TG: variants seen among roughly 807,000 people sequenced by gnomAD.
The protein encoded by TG is thyroid hormones.
A neutral mutation model predicts 324.7 loss-of-function variants in TG; 270 were observed. The observed-to-expected ratio is 0.83, with a 90% CI of 0.75 to 0.92. The LOEUF is 0.92. Among genes scored for constraint, TG ranks in the 40% least tolerant of loss-of-function variants. The pLI is 0.00. For synonymous variants in TG, 1,401 were observed against 1,327.0 expected, an observed-to-expected ratio of 1.06 and a Z score of -1.21; for missense variants, 3,591 against 3,456.4, an observed-to-expected ratio of 1.04 and a Z score of -0.98.
At chr8:133,122,993 G>A (rs563038335) in intron 45 of TG, among the ~76,000 whole-genome samples, 6 of 152,114 alleles carry the variant, frequency 3.9e-5, no homozygotes, top group East Asian at 1.9e-4. Context: ...ACCCTTTGTT[G>A]TGGGAGGCTG....
intron 41 of TG, among the ~76,000 whole-genome samples, chr8:133,043,203 C>G (rs146565712): frequency 6.6e-6 from 1 of 152,022 alleles, no homozygotes; most frequent in Admixed American, 6.6e-5. Flanking sequence ...TGAGATATTC[C>G]CCATGGTCAA....
intron 35 of TG, chr8:133,003,047 C>G: frequency 9.4e-7 from 1 of 1,066,572 alleles, no homozygotes; most frequent in African/African-American, 1.7e-5. Context: ...ATACCAGGTA[C>G]CTCTCCTCTT....
At chr8:132,872,872 T>A (rs1003148579) in intron 4 of TG, among the ~76,000 whole-genome samples, 190 bp from the exon 5 acceptor site, 7 of 152,162 alleles carry the variant, frequency 4.6e-5, no homozygotes, top group Non-Finnish European at 7.3e-5. Flanking sequence ...ATAGCCCAGG[T>A]GTGCTGTAGG....
chr8:133,021,453 G>A (rs1038982025), intron 39 of TG, among the ~76,000 whole-genome samples: 2 of 152,212 alleles, frequency 1.3e-5, no homozygotes, highest in Non-Finnish European at 2.9e-5. Flanking sequence ...CTGCAATGTG[G>A]GAGAAGTGTC....
At chr8:133,052,124 C>G (rs1473170302) in intron 41 of TG, among the ~76,000 whole-genome samples, 1 of 152,210 alleles carries the variant, frequency 6.6e-6, no homozygotes, top group Non-Finnish European at 1.5e-5. Flanking sequence ...CCACACACCT[C>G]TAGATCCTGC....
intron 27 of TG, among the ~76,000 whole-genome samples, chr8:132,951,466 T>C (rs965313487): frequency 2.0e-5 from 3 of 152,244 alleles, no homozygotes; most frequent in Non-Finnish European, 4.4e-5. Context: ...AGACATATGA[T>C]ATATTCATGG....
At chr8:132,988,012 C>T (rs149047309) in intron 35 of TG, among the ~76,000 whole-genome samples, 2,149 of 150,608 alleles carry the variant, frequency 0.014, 40 homozygotes, top group Non-Finnish European at 0.022. Flanking sequence ...GTCGGGGGAG[C>T]AGAATTCTTT....
chr8:133,096,280 C>A lies in TG; in HGVS notation c.7479C>A (p.Ala2493=), dbSNP rs147500976. ...IDGHFLREPP[A]RALKRSLWVE... is the part of the protein sequence containing the mutation. Reference sequence around the variant, plus strand: ...GCCACTTCCTCCGTGAGCCTCCAGCCAGAGCACTGAAGAGGTCTTTATGGG... The same window carrying A: ...GCCACTTCCTCCGTGAGCCTCCAGCAAGAGCACTGAAGAGGTCTTTATGGG... The change falls in exon 43 of 48, where the codon GCC becomes GCA. Residue 2493 remains alanine, a synonymous_variant. Transcript: ENST00000220616. 1.5e-5 allele frequency: 24 copies of A among 1,614,238 alleles called. No homozygotes were observed. In the African/African-American group the frequency reaches 2.1e-4, roughly 14 times the overall value.
At position 133,054,809 on chromosome 8, in the gene TG, A is replaced by T. The variant is rs1247350279; in HGVS notation, c.7239+24786A>T. ...AATAGGAAACGAATCCACAAAGGGG[A>T]GGGACCCAGGCAGGCCTTACGGGAC... On this transcript the variant is annotated intron_variant, in intron 41 of 47. Coordinates refer to ENST00000220616, the MANE Select transcript of TG (RefSeq NM_003235.5). 1.3e-5 allele frequency among the ~76,000 whole-genome samples: 2 copies of T among 152,206 alleles called. 1 individual carries two copies. Among genetic ancestry groups the T allele is most frequent in the South Asian group, 4.1e-4 (2 of 4,828 alleles).
intron 27 of TG, among the ~76,000 whole-genome samples, chr8:132,957,766 C>CACACAG (rs1554680120): frequency 0.052 from 7,624 of 145,548 alleles, 621 homozygotes; most frequent in African/African-American, 0.17. Context: ...CACACACACA[C>CACACAG]ACACACACAC....
Position 132,971,798 on chromosome 8 carries a change from T to G in TG, c.5980T>G (p.Phe1994Val), listed in dbSNP as rs971546113. 6.2e-7 allele frequency: 1 copy of G among 1,612,632 alleles called. No individual in the cohort carries two copies. The highest frequency in any genetic ancestry group is 8.5e-7 in the Non-Finnish European group (1 of 1,178,766). The change falls in exon 33 of 48, where the codon TTT (phenylalanine) becomes GTT (valine). Residue 1994 changes from phenylalanine (F) to valine (V), a missense_variant. By Grantham distance (50) the Phe-to-Val change is conservative. Coordinates refer to ENST00000220616, the MANE Select transcript of TG (RefSeq NM_003235.5). ...MSEKSISNGF[F>V]ECERRCDADP... ...CTCTTTCTCTTCCTATGCCAGGTTCTTTGAATGTGAACGACGGTGCGATGC... is the reference window on the plus strand; with the variant it reads ...CTCTTTCTCTTCCTATGCCAGGTTCGTTGAATGTGAACGACGGTGCGATGC...
At chr8:132,868,014 T>TA in intron 1 of TG, 101 bp from the exon 2 acceptor site, 1 of 1,054,190 alleles carries the variant, frequency 9.5e-7, no homozygotes, top group Non-Finnish European at 1.5e-6. Flanking sequence ...TCATAGGTAA[T>TA]GATGATGACC....
chr8:132,977,870 A>G (rs1239177121), intron 34 of TG, among the ~76,000 whole-genome samples: 3 of 152,240 alleles, frequency 2.0e-5, no homozygotes, highest in Non-Finnish European at 4.4e-5. Context: ...AGGATCAATT[A>G]GGAATTGAGA....
intron 34 of TG, among the ~76,000 whole-genome samples, chr8:132,977,781 G>A (rs1258905084): frequency 6.6e-6 from 1 of 152,100 alleles, no homozygotes; most frequent in Non-Finnish European, 1.5e-5. Flanking sequence ...AATCATGGGA[G>A]CTACAAGATG....
At chr8:132,916,792 A>C (rs1297104778) in intron 20 of TG, among the ~76,000 whole-genome samples, 1 of 152,240 alleles carries the variant, frequency 6.6e-6, no homozygotes, top group Non-Finnish European at 1.5e-5. Context: ...ATAGCAGATT[A>C]GTTTATGAAG....
At position 132,875,969 on chromosome 8, in the gene TG, C is replaced by T. The variant is rs369960534; in HGVS notation, c.638+2748C>T. Among the ~76,000 whole-genome samples the T allele has an allele frequency of 3.9e-5, 6 of 152,132 alleles. No homozygotes were observed. In the East Asian group the frequency reaches 5.8e-4, roughly 15 times the overall value. ...GCGACTCAGGTTTCTAGGTAAAATACGAGACAGCAAGTTACGTTTGAATTT... is the reference window on the plus strand; with the variant it reads ...GCGACTCAGGTTTCTAGGTAAAATATGAGACAGCAAGTTACGTTTGAATTT... On this transcript the variant is annotated intron_variant, in intron 5 of 47. Transcript: ENST00000220616.
chr8:133,007,503 C>T (rs1435399618), intron 35 of TG, among the ~76,000 whole-genome samples: 1 of 151,958 alleles, frequency 6.6e-6, no homozygotes, highest in African/African-American at 2.4e-5. Context: ...TTAGACCAGA[C>T]TGAGTATTTT....
rs529765905 is a variant in TG at position 133,063,643 on chromosome 8, G to C, written c.7240-31401G>C. On this transcript the variant is annotated intron_variant, in intron 41 of 47. Coordinates refer to ENST00000220616, the MANE Select transcript of TG (RefSeq NM_003235.5). Reference sequence around the variant, plus strand: ...AGGCCTGGGTTCTTCTACGCTAACAGTCTTCTCTGCTGTTGCTTGCACTCC... The same window carrying C: ...AGGCCTGGGTTCTTCTACGCTAACACTCTTCTCTGCTGTTGCTTGCACTCC... 2.6e-5 allele frequency: 4 copies of C among 152,306 alleles called. No individual in the cohort carries two copies. In the South Asian group the frequency reaches 8.3e-4, roughly 32 times the overall value. The allele number at this position is 152,306 out of a possible 1,614,324, so 9.4% of individuals were successfully genotyped here. A position where few individuals can be genotyped will look rare whatever the true frequency, so the allele number is the denominator to read the frequency against.
intron 25 of TG, among the ~76,000 whole-genome samples, chr8:132,937,610 T>C (rs1453612989): frequency 6.6e-6 from 1 of 152,150 alleles, no homozygotes; most frequent in Non-Finnish European, 1.5e-5. Context: ...CATTGTCCTG[T>C]TTTTCTTTTT....
Sources: gnomAD v4.1 joint callset for allele counts (sites outside exome capture counted in the v4.1 genomes callset) on GRCh38, gnomAD v4.1.1 for gene constraint, MANE v1.5 for transcripts, NCBI Gene and HGNC (gene_info 2026-07-23, HGNC 2026-07-21) for gene names.